Variants in IL23R observed in about 807,000 individuals in gnomAD.
IL23R encodes interleukin-23 receptor.
Under a neutral mutation model 56.9 loss-of-function variants are expected in IL23R, and 34 were observed. The ratio of observed to expected loss-of-function variants is 0.60; its 90% CI spans 0.45 to 0.80. The LOEUF is 0.80. Among genes scored for constraint, IL23R ranks in the 30% least tolerant of loss-of-function variants. The pLI is 0.00. For synonymous variants in IL23R, 230 were observed against 249.2 expected, an observed-to-expected ratio of 0.92 and a Z score of 0.73; for missense variants, 635 against 730.0, an observed-to-expected ratio of 0.87 and a Z score of 1.50.
chr1:67,242,428 G>A (rs574850658), intron 9 of IL23R, among the ~76,000 whole-genome samples: 2 of 152,058 alleles, frequency 1.3e-5, no homozygotes, highest in South Asian at 4.2e-4. Context: ...AGAGGCATAA[G>A]CAAGAAAAAA....
At chr1:67,208,591 G>A (rs548368935) in intron 6 of IL23R, among the ~76,000 whole-genome samples, 1 of 152,366 alleles carries the variant, frequency 6.6e-6, no homozygotes, top group East Asian at 1.9e-4. Flanking sequence ...TCCACATGGT[G>A]TTGAGCCTGC....
rs556445086 is a variant in IL23R at position 67,240,417 on chromosome 1, G to A, written c.1148+136G>A. 8 of 680,940 alleles carry A rather than the reference G, an allele frequency of 1.2e-5. 1 individual carries two copies. Among genetic ancestry groups the A allele is most frequent in the South Asian group, 1.1e-4 (7 of 61,222 alleles). 42.2% of individuals were successfully genotyped at this position (680,940 alleles called of 1,614,324 possible). A position where few individuals can be genotyped will look rare whatever the true frequency, so the allele number is the denominator to read the frequency against. On this transcript the variant is annotated intron_variant, in intron 9 of 10. Transcript: ENST00000347310. The stretch of plus-strand genomic sequence containing the variant: ...GATAAAGGAAAATAAAAAGAACAAT[G>A]TTTAATAAGTACTTACCCATGCCAA...
intron 1 of IL23R, among the ~76,000 whole-genome samples, chr1:67,141,583 C>T (rs1252381187): frequency 6.6e-6 from 1 of 152,044 alleles, no homozygotes; most frequent in African/African-American, 2.4e-5. Context: ...CACAGCAAGA[C>T]CCCATCTCTA....
chr1:67,163,181 G>A (rs1356725132), upstream of IL23R, among the ~76,000 whole-genome samples: 1 of 152,060 alleles, frequency 6.6e-6, no homozygotes, highest in African/African-American at 2.4e-5. Context: ...GTCAAAAGAT[G>A]TATGTGGCCA....
At chr1:67,244,428 G>GT (rs1223756034) in intron 9 of IL23R, among the ~76,000 whole-genome samples, 1 of 152,074 alleles carries the variant, frequency 6.6e-6, no homozygotes, top group African/African-American at 2.4e-5. Flanking sequence ...ATTCTTCTAG[G>GT]TTTTTTATGG....
rs1651762894 is a variant in IL23R, at chr1:67,240,234, G to C, written c.1101G>C (p.Leu367Phe). The part of the protein sequence containing the change: ...LLGMIVFAVM[L>F]SILSLIGIFN... ...GAATGATCGTCTTTGCTGTTATGTTGTCAATTCTTTCTTTGATTGGGATAT... is the reference window on the plus strand; with the variant it reads ...GAATGATCGTCTTTGCTGTTATGTTCTCAATTCTTTCTTTGATTGGGATAT... Residue 367 changes from leucine to phenylalanine, a missense_variant, in exon 9 of 11, where the codon TTG (leucine) becomes TTC (phenylalanine). By Grantham distance (22) the Leu-to-Phe change is conservative. Transcript: ENST00000347310. 2.5e-6 allele frequency: 4 copies of C among 1,613,308 alleles called. No homozygotes were observed. Among genetic ancestry groups the C allele is most frequent in the African/African-American group, 1.3e-5 (1 of 74,894 alleles).
At chr1:67,147,156 G>T (rs1215721156) in intron 1 of IL23R, among the ~76,000 whole-genome samples, 1 of 152,052 alleles carries the variant, frequency 6.6e-6, no homozygotes, top group Non-Finnish European at 1.5e-5. Flanking sequence ...AGGCCCAAAA[G>T]ACTTAAGCAG....
intron 1 of IL23R, among the ~76,000 whole-genome samples, chr1:67,140,218 G>A (rs958299749): frequency 2.6e-5 from 4 of 152,056 alleles, no homozygotes; most frequent in African/African-American, 9.7e-5. Context: ...TACTATGCAT[G>A]CAAAAGCAAA....
chr1:67,218,852 G>C (rs1008008056), intron 6 of IL23R, among the ~76,000 whole-genome samples: 3 of 151,868 alleles, frequency 2.0e-5, no homozygotes, highest in Admixed American at 2.0e-4. Flanking sequence ...CCAGGAGGAG[G>C]TGGAGGTTGC....
chr1:67,211,285 T>C (rs1180951807), intron 6 of IL23R, among the ~76,000 whole-genome samples: 1 of 152,134 alleles, frequency 6.6e-6, no homozygotes, highest in Non-Finnish European at 1.5e-5. Context: ...ACACCTGGGG[T>C]CCTTGTATAG....
At chr1:67,240,568 A>T (rs1236062461) in intron 9 of IL23R, among the ~76,000 whole-genome samples, 1 of 152,240 alleles carries the variant, frequency 6.6e-6, no homozygotes, top group Admixed American at 6.5e-5. Flanking sequence ...ATCACTGAAC[A>T]GTAAGCCCTG....
intron 8 of IL23R, among the ~76,000 whole-genome samples, chr1:67,238,671 C>G (rs1651651913): frequency 6.6e-6 from 1 of 152,196 alleles, no homozygotes; most frequent in African/African-American, 2.4e-5. Flanking sequence ...TCAGGCCACG[C>G]TCTTGGTCAT....
intron 6 of IL23R, among the ~76,000 whole-genome samples, chr1:67,216,274 C>T (rs778378349): frequency 2.6e-5 from 4 of 152,162 alleles, no homozygotes; most frequent in Non-Finnish European, 4.4e-5. Context: ...TCATTTTTTG[C>T]ATCTCCATTG....
chr1:67,180,136 G>C (rs878878766), intron 3 of IL23R, among the ~76,000 whole-genome samples: 1 of 152,144 alleles, frequency 6.6e-6, no homozygotes, highest in Admixed American at 6.5e-5. Context: ...TATTAGGTCT[G>C]CTTGGTGCAG....
chr1:67,169,144 A>G (rs1646910615), intron 2 of IL23R, among the ~76,000 whole-genome samples, 198 bp from the exon 3 acceptor site: 1 of 151,240 alleles, frequency 6.6e-6, no homozygotes, highest in African/African-American at 2.4e-5. Flanking sequence ...GTCTCAAAAA[A>G]AAAAAAAAAA....
intron 6 of IL23R, among the ~76,000 whole-genome samples, chr1:67,218,348 G>GTATATATA (rs1472585876): frequency 1.5e-4 from 21 of 142,320 alleles, no homozygotes; most frequent in African/African-American, 5.4e-4. Context: ...GTGTGTGTGT[G>GTATATATA]TGTGTGTGTG....
At position 67,233,091 on chromosome 1, in the gene IL23R, G is replaced by T. The variant is rs182143384; in HGVS notation, c.956-3622G>T. Among the ~76,000 whole-genome samples the T allele has an allele frequency of 4.8e-5, 7 of 147,286 alleles. No homozygotes were observed. In the East Asian group the frequency reaches 1.4e-3, roughly 30 times the overall value. ...TGTCCAGGTGCGGTGCCTCACACCT[G>T]TAATCCCAGCATTTTGGGAGGCTGA... On this transcript the variant is annotated intron_variant, in intron 7 of 10. Coordinates refer to ENST00000347310, the MANE Select transcript of IL23R (RefSeq NM_144701.3).
intron 3 of IL23R, among the ~76,000 whole-genome samples, chr1:67,173,397 T>G (rs968787352): frequency 6.6e-6 from 1 of 152,142 alleles, no homozygotes; most frequent in African/African-American, 2.4e-5. Flanking sequence ...CCAAACAATC[T>G]GATAGCCAAA....
intron 3 of IL23R, among the ~76,000 whole-genome samples, chr1:67,176,160 T>C (rs1009543565): frequency 2.6e-5 from 4 of 152,130 alleles, no homozygotes; most frequent in Non-Finnish European, 5.9e-5. Flanking sequence ...TGAATCCTGA[T>C]TGTTTTGGGT....
Sources: gnomAD v4.1 joint callset for allele counts (sites outside exome capture counted in the v4.1 genomes callset) on GRCh38, gnomAD v4.1.1 for gene constraint, MANE v1.5 for transcripts, NCBI Gene and HGNC (gene_info 2026-07-23, HGNC 2026-07-21) for gene names.